Variants in ATP12A observed in about 807,000 individuals in gnomAD.
The protein encoded by ATP12A is potassium-transporting ATPase alpha chain 2.
ATP12A carries 81 observed loss-of-function variants against 111.2 expected under a neutral mutation model. The ratio of observed to expected loss-of-function variants is 0.73; its 90% CI spans 0.61 to 0.88. ATP12A has a LOEUF of 0.88. ATP12A is among the 40% of genes least tolerant of loss of function. The pLI is 0.00. For synonymous variants in ATP12A, 498 were observed against 499.8 expected, an observed-to-expected ratio of 1.00 and a Z score of 0.05; for missense variants, 1,196 against 1,313.1, an observed-to-expected ratio of 0.91 and a Z score of 1.38.
chr13:24,684,983 C>T (rs1874618061), intron 2 of ATP12A, among the ~76,000 whole-genome samples: 1 of 152,182 alleles, frequency 6.6e-6, no homozygotes, highest in South Asian at 2.1e-4. Context: ...CTCACTGGCA[C>T]CTGGAAGATG....
At chr13:24,691,628 C>A (rs574748616) in intron 8 of ATP12A, among the ~76,000 whole-genome samples, 1 of 139,070 alleles carries the variant, frequency 7.2e-6, no homozygotes, top group African/African-American at 2.8e-5. Context: ...CTCCACTTAC[C>A]TCTCTTACGA....
intron 17 of ATP12A, 33 bp from the exon 18 acceptor site, chr13:24,709,331 G>C (rs1310411754): frequency 7.2e-7 from 1 of 1,380,442 alleles, no homozygotes; most frequent in Non-Finnish European, 9.5e-7. Context: ...AGAACATCCT[G>C]GGGTTAGACC....
chr13:24,695,577 G>C (rs2137703905), intron 11 of ATP12A, among the ~76,000 whole-genome samples: 1 of 148,808 alleles, frequency 6.7e-6, no homozygotes, highest in Non-Finnish European at 1.5e-5. Flanking sequence ...AGTTCGGATG[G>C]AATTTAGGGT....
rs756285033 is a variant in ATP12A at position 24,711,306 on chromosome 13, C to G, written c.3000-12C>G. Reference sequence around the variant, plus strand: ...ATGAGTCAGGGTTCACTTTCCATCCCTTTGCTTCCAGGGCTCAGTACTGGT... The same window carrying G: ...ATGAGTCAGGGTTCACTTTCCATCCGTTTGCTTCCAGGGCTCAGTACTGGT... On this transcript the variant is annotated splice_polypyrimidine_tract_variant and intron_variant, in intron 21 of 22. Transcript: ENST00000381946. The G allele has an allele frequency of 4.4e-5, 70 of 1,587,170 alleles. No homozygotes were observed. Among genetic ancestry groups the G allele is most frequent in the Non-Finnish European group, 5.5e-5 (64 of 1,165,212 alleles).
At chr13:24,710,722 A>G (rs1875929114) in intron 20 of ATP12A, 70 bp from the exon 21 acceptor site, 38 of 1,599,208 alleles carry the variant, frequency 2.4e-5, no homozygotes, top group Non-Finnish European at 3.2e-5. Context: ...TTCTGGTGGC[A>G]TGGTCTGCTG....
At chr13:24,696,887 G>A (rs932263702) in intron 11 of ATP12A, among the ~76,000 whole-genome samples, 1 of 152,140 alleles carries the variant, frequency 6.6e-6, no homozygotes, top group Non-Finnish European at 1.5e-5. Flanking sequence ...GGAAGGAGAC[G>A]TCTCTGCGGG....
chr13:24,690,260 G>T (rs920897713), intron 5 of ATP12A, 78 bp from the exon 6 acceptor site: 2 of 1,573,148 alleles, frequency 1.3e-6, no homozygotes, highest in African/African-American at 1.3e-5. Flanking sequence ...CTGTCCTGGG[G>T]TTCGGTGCGG....
In ATP12A at chr13:24,691,094, G is replaced by A. The variant is rs114666831; in HGVS notation, c.912G>A (p.Glu304=). The change falls in exon 8 of 23, where the codon GAG becomes GAA. Residue 304 remains glutamate, a synonymous_variant. Transcript: ENST00000381946. The part of the protein sequence containing the change: ...NEKTPIAIEI[E]HFVHIVAGVA... The stretch of plus-strand genomic sequence containing the variant: ...AGACGCCCATTGCCATTGAGATCGA[G>A]CACTTTGTTCACATTGTGGCAGGAG... 266 of 1,614,234 alleles carry A rather than the reference G, an allele frequency of 1.6e-4. No individual in the cohort carries two copies. The African/African-American group carries it at 3.3e-3, about 20-fold the overall frequency.
intron 19 of ATP12A, 51 bp downstream of exon 19, chr13:24,709,879 A>G (rs777612650): frequency 6.2e-7 from 1 of 1,605,246 alleles, no homozygotes; most frequent in Admixed American, 1.7e-5. Context: ...CTCCATGCTC[A>G]TTGCCCTGCG....
chr13:24,711,715 A>G lies in ATP12A; in HGVS notation c.*193A>G, dbSNP rs1433771763. 15 of 688,566 alleles carry G rather than the reference A, an allele frequency of 2.2e-5. 1 individual carries two copies. The highest frequency in any genetic ancestry group is 1.2e-4 in the South Asian group (6 of 51,428). The allele number at this position is 688,566 out of a possible 1,614,324, so 42.7% of individuals were successfully genotyped here. A position where few individuals can be genotyped will look rare whatever the true frequency, so the allele number is the denominator to read the frequency against. On this transcript the variant is annotated 3_prime_UTR_variant, in exon 23 of 23. Transcript: ENST00000381946. ...TTAAAACTGAAATTCAACTCTTTAT[A>G]TAGGATTTTCTTTTCTATCTCCATC...
chr13:24,694,302 C>A, intron 10 of ATP12A, 142 bp from the exon 11 acceptor site: 1 of 1,076,420 alleles, frequency 9.3e-7, no homozygotes. Context: ...TTACCACGGT[C>A]TTGCGGCCCT....
intron 2 of ATP12A, among the ~76,000 whole-genome samples, chr13:24,683,107 C>A (rs535252855): frequency 1.4e-4 from 22 of 152,218 alleles, no homozygotes; most frequent in African/African-American, 5.3e-4. Context: ...CAGGCGCCCG[C>A]CATCACACCC....
intron 15 of ATP12A, 141 bp from the exon 16 acceptor site, chr13:24,706,882 C>A (rs560614304): frequency 5.9e-4 from 551 of 931,414 alleles, no homozygotes; most frequent in Non-Finnish European, 8.1e-4. Flanking sequence ...TCATCTTTAT[C>A]TTTTCCCCTA....
chr13:24,701,804 T>G, intron 13 of ATP12A, 131 bp from the exon 14 acceptor site: 1 of 1,196,366 alleles, frequency 8.4e-7, no homozygotes, highest in Non-Finnish European at 1.2e-6. Flanking sequence ...GTCTCGTAGA[T>G]CCAGAGCTGC....
In ATP12A at chr13:24,710,473, G is replaced by A; in HGVS notation, c.2777G>A (p.Arg926Lys). 6.2e-7 allele frequency: 1 copy of A among 1,614,140 alleles called. No homozygotes were observed. Residue 926 changes from arginine (R) to lysine (K), a missense_variant, in exon 20 of 23, where the codon AGG becomes AAG. By Grantham distance (26) the Arg-to-Lys change is conservative. Coordinates refer to ENST00000381946, the MANE Select transcript of ATP12A (RefSeq NM_001676.7). The stretch of plus-strand genomic sequence containing the variant: ...GCCCATTAACAGACAAGGTACCAGA[G>A]GGAATACCTAGAATGGACGGGCTAC... ...SYGQEWTRYQ[R>K]EYLEWTGYTA... is the part of the protein sequence containing the mutation.
chr13:24,706,606 C>T (rs1875656246), intron 15 of ATP12A, 143 bp downstream of exon 15: 10 of 1,257,708 alleles, frequency 8.0e-6, no homozygotes, highest in African/African-American at 1.5e-5. Context: ...CCTGACCTCT[C>T]CAACCTCTCA....
chr13:24,694,127 C>A (rs563961429), intron 10 of ATP12A, among the ~76,000 whole-genome samples: 1 of 152,206 alleles, frequency 6.6e-6, no homozygotes, highest in African/African-American at 2.4e-5. Context: ...CCCCTGCACC[C>A]GCATCCTGGT....
Position 24,685,254 on chromosome 13 carries a change from T to TG in ATP12A, c.169-56dup. 6.5e-7 allele frequency: 1 copy of TG among 1,538,612 alleles called. No individual in the cohort carries two copies. The highest frequency in any genetic ancestry group is 1.1e-5 in the South Asian group (1 of 89,508). On this transcript the variant is annotated intron_variant, in intron 2 of 22. Coordinates refer to ENST00000381946, the MANE Select transcript of ATP12A (RefSeq NM_001676.7). The surrounding 1 kb of genome is among the most constrained non-coding windows in gnomAD (Gnocchi z 5.5). ...CCAGCTTCCATGGCTGGTCAAAGCT[T>TG]GGGGCTTGAGTCTTTTGGAATTATC...
chr13:24,691,453 C>T (rs1467628312), intron 8 of ATP12A, among the ~76,000 whole-genome samples: 3 of 152,210 alleles, frequency 2.0e-5, no homozygotes, highest in African/African-American at 7.2e-5. Context: ...ACTGCGTTTT[C>T]CTTGAAAACG....
Sources: gnomAD v4.1 joint callset for allele counts (sites outside exome capture counted in the v4.1 genomes callset) on GRCh38, gnomAD v4.1.1 for gene constraint, Gnocchi (gnomAD v3.1) non-coding constraint, MANE v1.5 for transcripts, NCBI Gene and HGNC (gene_info 2026-07-23, HGNC 2026-07-21) for gene names.